Variants in UBN1 observed in about 807,000 individuals in gnomAD.
UBN1 encodes ubinuclein 1.
Under a neutral mutation model 108.5 loss-of-function variants are expected in UBN1, and 17 were observed. That is an observed-to-expected ratio of 0.16 (90% CI 0.11 to 0.24). The LOEUF (loss-of-function observed/expected upper bound fraction) is 0.24, where lower values mean the gene tolerates loss of function less well. Among genes scored for constraint, UBN1 ranks in the 10% least tolerant of loss-of-function variants. UBN1 has a pLI of 1.00. For missense variants in UBN1, 1,595 were observed against 1,394.4 expected (o/e 1.14, Z -2.29); for synonymous variants, 726 against 564.2 (o/e 1.29, Z -4.07).
At chr16:4,872,590 TCCCGA>T in intron 12 of UBN1, among the ~76,000 whole-genome samples, 1 of 152,320 alleles carries the variant, frequency 6.6e-6, no homozygotes, top group African/African-American at 2.4e-5. Context: ...TGCCTCAGCC[TCCCGA>T]GTAGCTGGGA....
At chr16:4,849,206 A>G (rs1210939025) in intron 1 of UBN1, among the ~76,000 whole-genome samples, 3 of 152,244 alleles carry the variant, frequency 2.0e-5, no homozygotes, top group East Asian at 3.8e-4. Flanking sequence ...TACCACTATT[A>G]GATAATAAGA....
chr16:4,871,760 G>A (rs2087649495), intron 12 of UBN1, among the ~76,000 whole-genome samples: 1 of 151,674 alleles, frequency 6.6e-6, no homozygotes, highest in Admixed American at 6.6e-5. Flanking sequence ...CTAATTTTTT[G>A]TATTTTTAGT....
At position 4,850,017 on chromosome 16, in the gene UBN1, C is replaced by G. The variant is rs567830247; in HGVS notation, c.-40+1807C>G. Among the ~76,000 whole-genome samples the G allele has an allele frequency of 6.7e-5, 10 of 148,718 alleles. No individual in the cohort carries two copies. In the South Asian group the frequency reaches 1.9e-3, roughly 29 times the overall value. On this transcript the variant is annotated intron_variant, in intron 1 of 17. Coordinates refer to ENST00000262376, the MANE Select transcript of UBN1 (RefSeq NM_001079514.3). ...AAGGACTTAGGCAACTCTCGTAAGT[C>G]TAATAGATAAATGTAAGTTTTTTTT...
chr16:4,864,187 A>G lies in UBN1; in HGVS notation c.1110+3085A>G, dbSNP rs565177140. ...CATCCACCTCCGCCTTCTGGGTTCA[A>G]GTGATTCTTGTGCCTCAGCCTCCCG... On this transcript the variant is annotated intron_variant, in intron 7 of 17. Transcript: ENST00000262376. Among the ~76,000 whole-genome samples, 3 of 149,550 alleles carry G rather than the reference A, an allele frequency of 2.0e-5. No individual in the cohort carries two copies. In the South Asian group the frequency reaches 6.3e-4, roughly 31 times the overall value.
chr16:4,878,529 A>G (rs2087983726), intron 17 of UBN1, among the ~76,000 whole-genome samples: 1 of 152,160 alleles, frequency 6.6e-6, no homozygotes, highest in African/African-American at 2.4e-5. Flanking sequence ...CCACAATGGA[A>G]ACTGTGCTTC....
At chr16:4,876,196 G>A (rs886760135) in intron 15 of UBN1, among the ~76,000 whole-genome samples, 3 of 152,066 alleles carry the variant, frequency 2.0e-5, no homozygotes, top group African/African-American at 7.2e-5. Context: ...CTGACCTCGT[G>A]ATCTGCCCGC....
In UBN1 at chr16:4,849,048, CGAG is replaced by C. The variant is rs541553166; in HGVS notation, c.-40+839_-40+841del. On this transcript the variant is annotated intron_variant, in intron 1 of 17. Coordinates refer to ENST00000262376, the MANE Select transcript of UBN1 (RefSeq NM_001079514.3). ...CCGGGAAGCGGAGGTTGCCGTGAGC[CGAG>C]ATTATGTCACTGCACTCCAGCTAGG... Among the ~76,000 whole-genome samples, 283 of 152,176 alleles carry C rather than the reference CGAG, an allele frequency of 1.9e-3. 2 individuals are homozygous for C. The highest frequency in any genetic ancestry group is 3.2e-3 in the Non-Finnish European group (217 of 68,002).
Position 4,870,613 on chromosome 16 carries a change from A to T in UBN1, c.1409A>T (p.His470Leu). 1 of 1,614,178 alleles carries T rather than the reference A, an allele frequency of 6.2e-7. No homozygotes were observed. Among genetic ancestry groups the T allele is most frequent in the South Asian group, 1.1e-5 (1 of 91,088 alleles). ...MAKYQDECQAHTQAKVAKMLE... is the reference protein window; with the variant it reads ...MAKYQDECQALTQAKVAKMLE... Reference sequence around the variant, plus strand: ...AAGTACCAGGACGAATGCCAGGCACACACGCAGGCAAAGGTTGCCAAGTAA... The same window carrying T: ...AAGTACCAGGACGAATGCCAGGCACTCACGCAGGCAAAGGTTGCCAAGTAA... Residue 470 changes from histidine to leucine, a missense_variant, in exon 10 of 18, where the codon CAC becomes CTC. His to Leu is a moderately conservative substitution (Grantham distance 99). Coordinates refer to ENST00000262376, the MANE Select transcript of UBN1 (RefSeq NM_001079514.3).
In UBN1 at chr16:4,853,226, T is replaced by C; in HGVS notation, c.249+60T>C. On this transcript the variant is annotated intron_variant, in intron 2 of 17. Coordinates refer to ENST00000262376, the MANE Select transcript of UBN1 (RefSeq NM_001079514.3). Reference sequence around the variant, plus strand: ...TAACGCACAGGGGTCAGTGCATGCATGTGGGGCTTCCGTAGCGGGGAAGCA... The same window carrying C: ...TAACGCACAGGGGTCAGTGCATGCACGTGGGGCTTCCGTAGCGGGGAAGCA... 3.8e-6 allele frequency: 6 copies of C among 1,575,254 alleles called. 1 individual carries two copies. The highest frequency in any genetic ancestry group is 2.3e-5 in the South Asian group (2 of 86,916).
chr16:4,857,341 A>G (rs1374670632), intron 2 of UBN1, among the ~76,000 whole-genome samples: 1 of 142,728 alleles, frequency 7.0e-6, no homozygotes, highest in African/African-American at 2.6e-5. Flanking sequence ...ACAGAGTGAG[A>G]CTCTTATCTC....
intron 1 of UBN1, among the ~76,000 whole-genome samples, chr16:4,851,336 A>G (rs1381988729): frequency 2.0e-5 from 3 of 152,108 alleles, no homozygotes; most frequent in East Asian, 1.9e-4. Flanking sequence ...TGTAGTTCCA[A>G]CTACTAGGGA....
Position 4,877,743 on chromosome 16 carries a change from T to C in UBN1, c.3355+269T>C, listed in dbSNP as rs1293259797. The C allele has an allele frequency of 5.1e-6, 6 of 1,186,336 alleles. No homozygotes were observed. In the African/African-American group the frequency reaches 9.5e-5, roughly 19 times the overall value. The allele number at this position is 1,186,336 out of a possible 1,614,324, so 73.5% of individuals were successfully genotyped here. On this transcript the variant is annotated intron_variant, in intron 17 of 17. Coordinates refer to ENST00000262376, the MANE Select transcript of UBN1 (RefSeq NM_001079514.3). This position sits in a 1 kb window ranked among gnomAD's most constrained non-coding sequence, Gnocchi z 4.3. ...AGTTGCGGGGGGCAGGGTGGTGCGCTTTTGTGTGCGGTGGAGGAGTTCCTA... is the reference window on the plus strand; with the variant it reads ...AGTTGCGGGGGGCAGGGTGGTGCGCCTTTGTGTGCGGTGGAGGAGTTCCTA...
chr16:4,855,950 G>C (rs564607212), intron 2 of UBN1, among the ~76,000 whole-genome samples: 1 of 152,254 alleles, frequency 6.6e-6, no homozygotes, highest in South Asian at 2.1e-4. Flanking sequence ...AAAAGAAAAA[G>C]TGTTTCCTTG....
At chr16:4,868,440 A>G (rs76403845) in intron 7 of UBN1, among the ~76,000 whole-genome samples, 92 of 152,340 alleles carry the variant, frequency 6.0e-4, no homozygotes, top group African/African-American at 2.2e-3. Context: ...TTTAAATCCT[A>G]TAGACTGGTT....
In UBN1 at chr16:4,869,023, TAAA is replaced by T. The variant is rs563807152; in HGVS notation, c.1181+122_1181+124del. Reference sequence around the variant, plus strand: ...TGCATAAAGGTGACCACCAAGGAGATAAAAGAAGAATTGGATTAACATGGTTTC... The same window carrying T: ...TGCATAAAGGTGACCACCAAGGAGATAGAAGAATTGGATTAACATGGTTTC... On this transcript the variant is annotated intron_variant, in intron 8 of 17. Coordinates refer to ENST00000262376, the MANE Select transcript of UBN1 (RefSeq NM_001079514.3). The T allele has an allele frequency of 2.4e-4, 225 of 918,892 alleles. 2 individuals carry two copies. The East Asian group carries it at 5.9e-3, about 24-fold the overall frequency. The allele number at this position is 918,892 out of a possible 1,614,324, so 56.9% of individuals were successfully genotyped here.
chr16:4,866,287 C>T (rs1298875379), intron 7 of UBN1, among the ~76,000 whole-genome samples: 1 of 152,150 alleles, frequency 6.6e-6, no homozygotes, highest in African/African-American at 2.4e-5. Context: ...GGATTTCACC[C>T]CTCTGGGCTT....
At position 4,872,179 on chromosome 16, in the gene UBN1, T is replaced by C. The variant is rs914746890; in HGVS notation, c.1707-705T>C. ...TGGAACCTTTGAAATTGCTGTCCTC[T>C]CTACGTAGGCTGGACTCATACGAAG... is the stretch of plus-strand genomic sequence containing the variant. On this transcript the variant is annotated intron_variant, in intron 12 of 17. Transcript: ENST00000262376. 5.2e-5 allele frequency: 51 copies of C among 985,206 alleles called. 1 individual carries two copies. The African/African-American group carries it at 8.7e-4, about 17-fold the overall frequency. 61.0% of individuals were successfully genotyped at this position (985,206 alleles called of 1,614,324 possible).
At chr16:4,872,719 T>C (rs1302922826) in intron 12 of UBN1, among the ~76,000 whole-genome samples, 165 bp from the exon 13 acceptor site, 1 of 152,206 alleles carries the variant, frequency 6.6e-6, no homozygotes. Context: ...TCCACCTGCC[T>C]TGGCCTCCAA....
At chr16:4,859,255 G>A in intron 5 of UBN1, 96 bp downstream of exon 5, 2 of 1,508,816 alleles carry the variant, frequency 1.3e-6, no homozygotes, top group South Asian at 1.3e-5. Context: ...CGCTTGGCCG[G>A]CTCAGGAGGA....
Sources: gnomAD v4.1 joint callset for allele counts (sites outside exome capture counted in the v4.1 genomes callset) on GRCh38, gnomAD v4.1.1 for gene constraint, Gnocchi (gnomAD v3.1) non-coding constraint, MANE v1.5 for transcripts, NCBI Gene and HGNC (gene_info 2026-07-23, HGNC 2026-07-21) for gene names.